LSAMP: variants seen among roughly 807,000 people sequenced by gnomAD.
The protein encoded by LSAMP is limbic system-associated membrane protein.
Under a neutral mutation model 38.6 loss-of-function variants are expected in LSAMP, and 7 were observed. That is an observed-to-expected ratio of 0.18 (90% CI 0.10 to 0.34). The LOEUF (loss-of-function observed/expected upper bound fraction) is 0.34, where lower values mean the gene tolerates loss of function less well. Ranked by LOEUF, LSAMP falls within the 10% of genes least tolerant of loss-of-function variation. LSAMP has a pLI of 1.00. For missense variants in LSAMP, 313 were observed against 420.0 expected (o/e 0.75, Z 2.23); for synonymous variants, 154 against 166.8 (o/e 0.92, Z 0.59).
intron 1 of LSAMP, among the ~76,000 whole-genome samples, chr3:116,244,941 A>G (rs1443008358): frequency 1.3e-5 from 2 of 152,208 alleles, no homozygotes; most frequent in East Asian, 1.9e-4. Context: ...AGTCCAGTCT[A>G]TAAGTAAAAC....
At chr3:116,208,189 G>A (rs1323484925) in intron 1 of LSAMP, among the ~76,000 whole-genome samples, 2 of 151,934 alleles carry the variant, frequency 1.3e-5, no homozygotes, top group African/African-American at 2.4e-5. Context: ...CCAGTTGATC[G>A]CATCAGCTCC....
intron 1 of LSAMP, among the ~76,000 whole-genome samples, chr3:116,349,660 C>G (rs2048111557): frequency 6.6e-6 from 1 of 151,820 alleles, no homozygotes; most frequent in South Asian, 2.1e-4. Flanking sequence ...GGTGTGAGGA[C>G]TCTCTCACAC....
At position 116,299,661 on chromosome 3, in the gene LSAMP, C is replaced by T. The variant is rs145686553; in HGVS notation, c.155+145216G>A. On this transcript the variant is annotated intron_variant, in intron 1 of 6. Coordinates refer to ENST00000490035, the MANE Select transcript of LSAMP (RefSeq NM_002338.5). ...TTTCAGAATCACTGGACCATTAGACCACATCAGCACTGGACCCAGCTAAAG... is the reference window on the plus strand; with the variant it reads ...TTTCAGAATCACTGGACCATTAGACTACATCAGCACTGGACCCAGCTAAAG... Among the ~76,000 whole-genome samples the T allele has an allele frequency of 2.6e-4, 39 of 152,228 alleles. 1 individual carries two copies. In the East Asian group the frequency reaches 7.3e-3, roughly 29 times the overall value.
intron 3 of LSAMP, among the ~76,000 whole-genome samples, chr3:115,929,854 C>G (rs1937551969): frequency 6.6e-6 from 1 of 152,014 alleles, no homozygotes; most frequent in African/African-American, 2.4e-5. Context: ...GAGTTCTACT[C>G]TTTGTTTCAA....
At chr3:115,821,211 CTACAGTT>C (rs1934226772) in intron 6 of LSAMP, among the ~76,000 whole-genome samples, 2 of 152,090 alleles carry the variant, frequency 1.3e-5, no homozygotes, top group African/African-American at 4.8e-5. Flanking sequence ...ATTGGAAACT[CTACAGTT>C]TATAGTTTGG....
chr3:116,334,140 C>G (rs1007167136), intron 1 of LSAMP, among the ~76,000 whole-genome samples: 2 of 151,848 alleles, frequency 1.3e-5, no homozygotes, highest in Non-Finnish European at 2.9e-5. Flanking sequence ...AATTAGAAAA[C>G]CTAGCTGAAA....
intron 1 of LSAMP, among the ~76,000 whole-genome samples, chr3:116,224,797 T>C (rs2046324885): frequency 6.6e-6 from 1 of 152,210 alleles, no homozygotes; most frequent in Non-Finnish European, 1.5e-5. Context: ...TGTGAGGTCA[T>C]GTTACTCTGT....
chr3:115,856,055 T>C (rs1935497521), intron 3 of LSAMP, among the ~76,000 whole-genome samples: 2 of 152,186 alleles, frequency 1.3e-5, no homozygotes, highest in Non-Finnish European at 2.9e-5. Flanking sequence ...TTTTCTGTTG[T>C]TGGAAAGCCA....
chr3:116,369,398 T>C (rs1452947613), intron 1 of LSAMP, among the ~76,000 whole-genome samples: 1 of 152,224 alleles, frequency 6.6e-6, no homozygotes, highest in African/African-American at 2.4e-5. Flanking sequence ...GCATTGCTCT[T>C]ACCTTCCAGA....
intron 1 of LSAMP, among the ~76,000 whole-genome samples, chr3:116,417,709 T>C (rs1194715867): frequency 2.6e-5 from 4 of 152,190 alleles, no homozygotes; most frequent in Non-Finnish European, 5.9e-5. Context: ...TGGCTTGGTT[T>C]CCTATTCTTT....
intron 1 of LSAMP, among the ~76,000 whole-genome samples, chr3:116,096,692 C>G (rs1708233225): frequency 6.6e-6 from 1 of 152,196 alleles, no homozygotes; most frequent in Non-Finnish European, 1.5e-5. Context: ...ATGGCTGTCT[C>G]TCTAGGATAG....
At chr3:115,899,909 G>A (rs940529393) in intron 3 of LSAMP, among the ~76,000 whole-genome samples, 2 of 152,052 alleles carry the variant, frequency 1.3e-5, no homozygotes, top group East Asian at 1.9e-4. Flanking sequence ...TTGAAAGATC[G>A]TCTTCCTGAT....
rs190266778 is a variant in LSAMP at position 116,301,081 on chromosome 3, A to T, written c.155+143796T>A. Reference sequence around the variant, plus strand: ...CTTTTTCACATACTTTGGGAATTAAAATAACATCTTTAATATTTGGAAATG... The same window carrying T: ...CTTTTTCACATACTTTGGGAATTAATATAACATCTTTAATATTTGGAAATG... On this transcript the variant is annotated intron_variant, in intron 1 of 6. Coordinates refer to ENST00000490035, the MANE Select transcript of LSAMP (RefSeq NM_002338.5). Among the ~76,000 whole-genome samples, 168 of 151,686 alleles carry T rather than the reference A, an allele frequency of 1.1e-3. 2 individuals carry two copies. Among genetic ancestry groups the T allele is most frequent in the Admixed American group, 0.011 (167 of 15,256 alleles).
intron 1 of LSAMP, among the ~76,000 whole-genome samples, chr3:116,202,726 C>A (rs751403427): frequency 6.6e-6 from 1 of 152,078 alleles, no homozygotes; most frequent in Non-Finnish European, 1.5e-5. Flanking sequence ...ACCCAAGCAC[C>A]CTTTTTTTGG....
chr3:115,806,555 T>C lies in LSAMP; in HGVS notation c.*3762A>G, dbSNP rs1933634974. 6.6e-6 allele frequency: 1 copy of C among 152,208 alleles called. No individual in the cohort carries two copies. Among genetic ancestry groups the C allele is most frequent in the African/African-American group, 2.4e-5 (1 of 41,452 alleles). 9.4% of individuals were successfully genotyped at this position (152,208 alleles called of 1,614,324 possible). ...GTGTGCAAAGGAGGTAAGTCCATTTTTGGAGGAGAAACAGATTTTTGTTTG... is the reference window on the plus strand; with the variant it reads ...GTGTGCAAAGGAGGTAAGTCCATTTCTGGAGGAGAAACAGATTTTTGTTTG... On this transcript the variant is annotated 3_prime_UTR_variant, in exon 7 of 7. Transcript: ENST00000490035.
chr3:116,188,901 C>A (rs1710688326), intron 1 of LSAMP, among the ~76,000 whole-genome samples: 1 of 152,146 alleles, frequency 6.6e-6, no homozygotes, highest in Admixed American at 6.6e-5. Context: ...TAAAAATCTT[C>A]CAGAACTGTT....
intron 1 of LSAMP, among the ~76,000 whole-genome samples, chr3:116,202,144 T>TC (rs11458173): frequency 1.1e-5 from 1 of 93,572 alleles, no homozygotes; most frequent in African/African-American, 3.9e-5. Context: ...CTTTCTTTTC[T>TC]TTTTTTTTTT....
chr3:115,863,942 G>A (rs1935784680), intron 3 of LSAMP, among the ~76,000 whole-genome samples: 1 of 152,126 alleles, frequency 6.6e-6, no homozygotes, highest in South Asian at 2.1e-4. Context: ...AGGAGGCATA[G>A]TAATAAGCAA....
intron 3 of LSAMP, among the ~76,000 whole-genome samples, chr3:115,952,643 C>T (rs567216805): frequency 6.6e-6 from 1 of 152,146 alleles, no homozygotes; most frequent in Admixed American, 6.5e-5. Context: ...ATGGGTGCAC[C>T]AAAATCTCAG....
Sources: gnomAD v4.1 joint callset for allele counts (sites outside exome capture counted in the v4.1 genomes callset) on GRCh38, gnomAD v4.1.1 for gene constraint, MANE v1.5 for transcripts, NCBI Gene and HGNC (gene_info 2026-07-23, HGNC 2026-07-21) for gene names.